The following INCENP variants were observed in gnomAD, a reference collection of about 807,000 sequenced individuals.
INCENP encodes inner centromere protein, also known as binds and activates aurora-B and -C in vivo and in vitro.
A neutral mutation model predicts 107.3 loss-of-function variants in INCENP; 43 were observed. The observed-to-expected ratio is 0.40, with a 90% CI of 0.31 to 0.52. The LOEUF is 0.52. Among genes scored for constraint, INCENP ranks in the 20% least tolerant of loss-of-function variants. The pLI is 0.53. For missense variants in INCENP, 1,089 were observed against 1,250.9 expected, an observed-to-expected ratio of 0.87 and a Z score of 1.95; for synonymous variants, 488 against 494.4, an observed-to-expected ratio of 0.99 and a Z score of 0.17.
intron 11 of INCENP, 143 bp from the exon 12 acceptor site, chr11:62,144,839 G>T (rs373903724): frequency 1.2e-6 from 1 of 817,852 alleles, no homozygotes; most frequent in Non-Finnish European, 2.1e-6. Flanking sequence ...TTGGGGCCAC[G>T]TTGGGGATAC....
At chr11:62,141,132 T>C in intron 10 of INCENP, 88 bp downstream of exon 10, 1 of 1,510,736 alleles carries the variant, frequency 6.6e-7, no homozygotes, top group Non-Finnish European at 8.9e-7. Flanking sequence ...CTGGGAGTAG[T>C]GTGAGCCTGG....
chr11:62,132,061 T>C (rs892744800), intron 4 of INCENP, among the ~76,000 whole-genome samples: 1 of 152,220 alleles, frequency 6.6e-6, no homozygotes, highest in Non-Finnish European at 1.5e-5. Context: ...AGTGCCGGGA[T>C]TACAAGTGTG....
intron 7 of INCENP, among the ~76,000 whole-genome samples, chr11:62,139,623 G>A (rs1482227627): frequency 1.3e-5 from 2 of 152,196 alleles, no homozygotes; most frequent in African/African-American, 2.4e-5. Context: ...GGAGTAAGGT[G>A]CACCTTCTCC....
chr11:62,141,259 G>T (rs767014446), intron 10 of INCENP, among the ~76,000 whole-genome samples: 6 of 152,230 alleles, frequency 3.9e-5, no homozygotes, highest in Non-Finnish European at 7.3e-5. Flanking sequence ...CTGGACTACA[G>T]CCTGGAGGCT....
intron 5 of INCENP, 36 bp downstream of exon 5, chr11:62,137,919 G>A: frequency 6.3e-7 from 1 of 1,590,634 alleles, no homozygotes; most frequent in Non-Finnish European, 8.6e-7. Flanking sequence ...GGTAGGCAGG[G>A]CATACCAGGA....
chr11:62,151,382 C>G (rs1944369188), intron 18 of INCENP, among the ~76,000 whole-genome samples: 1 of 152,198 alleles, frequency 6.6e-6, no homozygotes, highest in Non-Finnish European at 1.5e-5. Context: ...AGGATGGCAT[C>G]CTATGCTTAA....
chr11:62,141,670 G>A, intron 11 of INCENP, 159 bp downstream of exon 11: 1 of 967,654 alleles, frequency 1.0e-6, no homozygotes, highest in Non-Finnish European at 1.6e-6. Flanking sequence ...TGCACTGGCT[G>A]GAGGCGCCCA....
chr11:62,128,759 G>A lies in INCENP; in HGVS notation c.141-11G>A. The A allele has an allele frequency of 1.9e-6, 3 of 1,599,688 alleles. No individual in the cohort carries two copies. The highest frequency in any genetic ancestry group is 2.2e-5 in the East Asian group (1 of 44,810). ...GGCAGCCTCGAGTGACACCCTCCTT[G>A]TGCCAAACAGAGAATTCAGCAAAGA... On this transcript the variant is annotated splice_polypyrimidine_tract_variant and intron_variant, in intron 2 of 18. Transcript: ENST00000394818.
intron 10 of INCENP, 95 bp from the exon 11 acceptor site, chr11:62,141,405 G>T (rs112816347): frequency 6.5e-7 from 1 of 1,532,526 alleles, no homozygotes; most frequent in South Asian, 1.1e-5. Context: ...CAGGCCCCAC[G>T]CAGGCTTGCT....
In INCENP at chr11:62,124,101, C is replaced by G. The variant is rs1943699952; in HGVS notation, c.-74C>G. The G allele has an allele frequency of 6.6e-6, 1 of 152,214 alleles. No homozygotes were observed. Among genetic ancestry groups the G allele is most frequent in the African/African-American group, 2.4e-5 (1 of 41,454 alleles). The allele number at this position is 152,214 out of a possible 1,614,324, so 9.4% of individuals were successfully genotyped here. A position where few individuals can be genotyped will look rare whatever the true frequency, so the allele number is the denominator to read the frequency against. ...GCCAAGTGGGTCTGGGCAAGCGGGG[C>G]CTTACCTAGGGATACCACCGGACTT... On this transcript the variant is annotated 5_prime_UTR_variant, in exon 1 of 19. Coordinates refer to ENST00000394818, the MANE Select transcript of INCENP (RefSeq NM_001040694.2).
rs914779064 is a variant in INCENP at position 62,146,790 on chromosome 11, C to A, written c.2092C>A (p.Arg698Ser). ...GCAGGAGCGGCGGGAGCAGGAGCGG[C>A]GCGAGCAGGAGCGGCGCGAGCAGGA... ...REQERREQERREQERREQERR... is the reference protein window; with the variant it reads ...REQERREQERSEQERREQERR... The change falls in exon 15 of 19, where the codon CGC (arginine) becomes AGC (serine). Residue 698 changes from arginine (R) to serine (S), a missense_variant. Coordinates refer to ENST00000394818, the MANE Select transcript of INCENP (RefSeq NM_001040694.2). 2 of 1,528,040 alleles carry A rather than the reference C, an allele frequency of 1.3e-6. No homozygotes were observed. The highest frequency in any genetic ancestry group is 1.8e-6 in the Non-Finnish European group (2 of 1,134,280). The allele number at this position is 1,528,040 out of a possible 1,614,324, so 94.7% of individuals were successfully genotyped here. A position where few individuals can be genotyped will look rare whatever the true frequency, so the allele number is the denominator to read the frequency against.
intron 1 of INCENP, among the ~76,000 whole-genome samples, chr11:62,127,649 G>A (rs1943781191): frequency 6.6e-6 from 1 of 152,196 alleles, no homozygotes; most frequent in South Asian, 2.1e-4. Context: ...TTGGCCTGAT[G>A]TCTGGAGTCA....
At position 62,146,648 on chromosome 11, in the gene INCENP, T is replaced by C. The variant is rs918626167; in HGVS notation, c.1960-10T>C. The C allele has an allele frequency of 2.6e-6, 4 of 1,550,788 alleles. No homozygotes were observed. Among genetic ancestry groups the C allele is most frequent in the Non-Finnish European group, 3.5e-6 (4 of 1,146,838 alleles). ...CTGGCCGCAGCACCTGACCTTGCTCTCTGTTTCAGGAGGAGGAAGAGCGGC... is the reference window on the plus strand; with the variant it reads ...CTGGCCGCAGCACCTGACCTTGCTCCCTGTTTCAGGAGGAGGAAGAGCGGC... On this transcript the variant is annotated splice_polypyrimidine_tract_variant and intron_variant, in intron 14 of 18. Transcript: ENST00000394818.
At chr11:62,129,073 C>T (rs1468569205) in intron 3 of INCENP, among the ~76,000 whole-genome samples, 190 bp downstream of exon 3, 1 of 152,118 alleles carries the variant, frequency 6.6e-6, no homozygotes, top group African/African-American at 2.4e-5. Context: ...TAGCTTGACC[C>T]AAGACCCTGG....
chr11:62,131,615 G>A (rs1339858451), intron 4 of INCENP, among the ~76,000 whole-genome samples: 1 of 152,086 alleles, frequency 6.6e-6, no homozygotes. Context: ...GGTGTCTGGG[G>A]CTCATGCTCA....
intron 18 of INCENP, among the ~76,000 whole-genome samples, chr11:62,150,579 G>A (rs1944353082): frequency 6.6e-6 from 1 of 152,242 alleles, no homozygotes; most frequent in East Asian, 1.9e-4. Flanking sequence ...GGCAGAGGCA[G>A]AGCTAGAATG....
intron 11 of INCENP, 157 bp downstream of exon 11, chr11:62,141,668 C>A: frequency 1.0e-6 from 1 of 970,676 alleles, no homozygotes; most frequent in East Asian, 2.4e-5. Context: ...GGTGCACTGG[C>A]TGGAGGCGCC....
intron 15 of INCENP, 145 bp downstream of exon 15, chr11:62,147,047 A>C: frequency 7.6e-7 from 1 of 1,313,202 alleles, no homozygotes; most frequent in Non-Finnish European, 1.0e-6. Flanking sequence ...ACCTGAATAC[A>C]CTGCCCATTG....
Position 62,145,274 on chromosome 11 carries a change from CGAGAAGACT to C in INCENP, c.1828_1836del (p.Thr610_Lys612del). ...TTGAGCAGAAGTTTGCTCAGATCGACGAGAAGACTGAGAAGGTGGGAGCCTGGGCTGTGG... is the reference window on the plus strand; with the variant it reads ...TTGAGCAGAAGTTTGCTCAGATCGACGAGAAGGTGGGAGCCTGGGCTGTGG... On this transcript the variant is annotated inframe_deletion, in exon 13 of 19. Transcript: ENST00000394818. 6.2e-7 allele frequency: 1 copy of C among 1,613,990 alleles called. No individual in the cohort carries two copies. The highest frequency in any genetic ancestry group is 2.2e-5 in the East Asian group (1 of 44,864).
Sources: gnomAD v4.1 joint callset for allele counts (sites outside exome capture counted in the v4.1 genomes callset) on GRCh38, gnomAD v4.1.1 for gene constraint, MANE v1.5 for transcripts, NCBI Gene and HGNC (gene_info 2026-07-23, HGNC 2026-07-21) for gene names.